The following RPS3 variants were observed in gnomAD, a reference collection of about 807,000 sequenced individuals.
RPS3 encodes ribosomal protein S3, also known as small ribosomal subunit protein uS3.
RPS3 carries 2 observed loss-of-function variants against 25.8 expected under a neutral mutation model. The ratio of observed to expected loss-of-function variants is 0.08; its 90% CI spans 0.03 to 0.24. RPS3 has a LOEUF of 0.24. Ranked by LOEUF, RPS3 falls within the 10% of genes least tolerant of loss-of-function variation. The probability of loss-of-function intolerance (pLI) is 1.00; values close to 1 mark genes in which losing one functional copy is unlikely to be tolerated. For missense variants in RPS3, 107 were observed against 307.1 expected (o/e 0.35, Z 4.87); for synonymous variants, 114 against 114.2 (o/e 1.00, Z 0.01).
downstream of RPS3, among the ~76,000 whole-genome samples, chr11:75,408,711 A>G (rs1948311690): frequency 6.6e-6 from 1 of 151,990 alleles, no homozygotes; most frequent in Non-Finnish European, 1.5e-5. Flanking sequence ...ACTCCTGGCC[A>G]ATTTTTGTAT....
At chr11:75,420,424 T>TGTG (rs1204320752) in intron 6 of RPS3, among the ~76,000 whole-genome samples, 1 of 152,204 alleles carries the variant, frequency 6.6e-6, no homozygotes, top group Non-Finnish European at 1.5e-5. Context: ...TCGACACATC[T>TGTG]GTGCTGCACT....
intron 6 of RPS3, among the ~76,000 whole-genome samples, chr11:75,416,129 G>A (rs181537858): frequency 3.3e-5 from 5 of 152,296 alleles, no homozygotes; most frequent in East Asian, 3.9e-4. Flanking sequence ...CAGTATGAGC[G>A]CAAGCACATC....
chr11:75,404,528 CTATT>C lies in RPS3; in HGVS notation c.539-139_539-136del, dbSNP rs745722992. 1.3e-5 allele frequency: 11 copies of C among 859,030 alleles called. No individual in the cohort carries two copies. Among genetic ancestry groups the C allele is most frequent in the Non-Finnish European group, 1.8e-5 (9 of 491,202 alleles). 53.2% of individuals were successfully genotyped at this position (859,030 alleles called of 1,614,324 possible). On this transcript the variant is annotated intron_variant, in intron 5 of 6. Transcript: ENST00000531188. This position sits in a 1 kb window ranked among gnomAD's most constrained non-coding sequence, Gnocchi z 4.6. ...CACGAGTTCCTTTGGCAGAAGTGTC[CTATT>C]TATTGATCGATTTAGAGGCATTTGT... is the stretch of plus-strand genomic sequence containing the variant.
chr11:75,410,040 C>A (rs1340059632), downstream of RPS3, among the ~76,000 whole-genome samples: 1 of 133,410 alleles, frequency 7.5e-6, no homozygotes, highest in Non-Finnish European at 1.6e-5. Context: ...CCTCACCTCC[C>A]GGACGGGGCG....
intron 6 of RPS3, among the ~76,000 whole-genome samples, chr11:75,414,030 G>A (rs1948378020): frequency 6.6e-6 from 1 of 152,166 alleles, no homozygotes; most frequent in Admixed American, 6.5e-5. Flanking sequence ...TTTTTCAGCT[G>A]TCCCTTTTTC....
chr11:75,411,712 G>A (rs1948358100), downstream of RPS3, among the ~76,000 whole-genome samples: 1 of 152,216 alleles, frequency 6.6e-6, no homozygotes, highest in Non-Finnish European at 1.5e-5. Context: ...TAAGTGGGGA[G>A]GGAGAGTTGA....
Position 75,421,449 on chromosome 11 carries a change from C to G in RPS3, c.*4-278C>G, listed in dbSNP as rs1326035283. On this transcript the variant is annotated intron_variant, in intron 6 of 6. Transcript: ENST00000527446. ...CGATATGCACAGAGCCTCGCAGAAT[C>G]TGTCTATGGTGTCTTTTGTTCCCTT... Among the ~76,000 whole-genome samples the G allele has an allele frequency of 4.6e-5, 7 of 152,322 alleles. No homozygotes were observed. The East Asian group carries it at 1.4e-3, about 29-fold the overall frequency.
chr11:75,402,538 A>G, intron 4 of RPS3, 92 bp downstream of exon 4: 1 of 1,359,680 alleles, frequency 7.4e-7, no homozygotes, highest in South Asian at 1.3e-5. Flanking sequence ...ACTGTTACAA[A>G]GTTACAGGAT....
chr11:75,405,870 G>T lies in RPS3; in HGVS notation c.*260G>T, dbSNP rs983771608. ...ATAGAGAAGGCTGATAGCAAGCAAG[G>T]CAGCACCTTGATTCGTTGTCCTGTA... On this transcript the variant is annotated 3_prime_UTR_variant, in exon 7 of 7. Coordinates refer to ENST00000531188, the MANE Select transcript of RPS3 (RefSeq NM_001005.5). 31 of 249,784 alleles carry T rather than the reference G, an allele frequency of 1.2e-4. No homozygotes were observed. Among genetic ancestry groups the T allele is most frequent in the African/African-American group, 6.1e-4 (27 of 44,168 alleles). The allele number at this position is 249,784 out of a possible 1,614,324, so 15.5% of individuals were successfully genotyped here.
chr11:75,403,826 C>T, intron 4 of RPS3, 194 bp from the exon 5 acceptor site: 2 of 551,870 alleles, frequency 3.6e-6, no homozygotes, highest in African/African-American at 3.8e-5. Flanking sequence ...TATTTAGGAG[C>T]TTGACATACT....
Position 75,404,200 on chromosome 11 carries a change from C to T in RPS3, c.531C>T (p.Leu177=). ...ACACTGCTGTGCGCCACGTGTTGCTCAGACAGGGTGAGCAGCTGAGAGTGC... is the reference window on the plus strand; with the variant it reads ...ACACTGCTGTGCGCCACGTGTTGCTTAGACAGGGTGAGCAGCTGAGAGTGC... ...YVDTAVRHVL[L]RQGVLGIKVK... The change falls in exon 5 of 7, where the codon CTC becomes CTT. Residue 177 remains leucine, a synonymous_variant. Coordinates refer to ENST00000531188, the MANE Select transcript of RPS3 (RefSeq NM_001005.5). This position sits in a 1 kb window ranked among gnomAD's most constrained non-coding sequence, Gnocchi z 4.6. 1 of 1,613,326 alleles carries T rather than the reference C, an allele frequency of 6.2e-7. No individual in the cohort carries two copies. The highest frequency in any genetic ancestry group is 1.1e-5 in the South Asian group (1 of 91,004).
intron 6 of RPS3, 161 bp downstream of exon 6, chr11:75,405,029 A>G (rs1283257534): frequency 3.9e-6 from 2 of 518,198 alleles, no homozygotes; most frequent in South Asian, 3.9e-5. Flanking sequence ...GGTCTATTTA[A>G]CCCTTGGTTC....
intron 6 of RPS3, among the ~76,000 whole-genome samples, chr11:75,416,540 C>A (rs1473815114): frequency 1.4e-5 from 2 of 147,296 alleles, no homozygotes; most frequent in Non-Finnish European, 3.0e-5. Flanking sequence ...CTCACTGCAA[C>A]CTCCGCCTCC....
chr11:75,402,672 C>T, intron 4 of RPS3: 1 of 364,178 alleles, frequency 2.7e-6, no homozygotes, highest in East Asian at 4.5e-5. Flanking sequence ...GAGAAGTGTT[C>T]TGGGTGCTTT....
intron 6 of RPS3, among the ~76,000 whole-genome samples, chr11:75,415,734 A>C (rs968898368): frequency 4.8e-5 from 7 of 146,904 alleles, no homozygotes; most frequent in Non-Finnish European, 1.0e-4. Flanking sequence ...TGAACCTGGG[A>C]GGCAGAGGTT....
At chr11:75,399,673 C>G in intron 1 of RPS3, 96 bp downstream of exon 1, 2 of 1,117,088 alleles carry the variant, frequency 1.8e-6, no homozygotes, top group Admixed American at 2.0e-5. Flanking sequence ...CCGTGGCCTG[C>G]CCTGGAAGCG....
chr11:75,415,917 A>G (rs1490160520), intron 6 of RPS3, among the ~76,000 whole-genome samples: 16 of 139,152 alleles, frequency 1.1e-4, no homozygotes. Flanking sequence ...CGGAGGTTGC[A>G]GTGAGCCGCG....
At chr11:75,407,780 T>G (rs1434933826), downstream of RPS3, among the ~76,000 whole-genome samples, 1 of 152,188 alleles carries the variant, frequency 6.6e-6, no homozygotes, top group Non-Finnish European at 1.5e-5. Context: ...CATCTGCAGA[T>G]TAAGTGCTGG....
chr11:75,418,464 G>A (rs1181497410), intron 6 of RPS3, among the ~76,000 whole-genome samples: 2 of 152,088 alleles, frequency 1.3e-5, no homozygotes, highest in Admixed American at 1.3e-4. Flanking sequence ...TACACGATGG[G>A]TGGCAGCAGT....
Sources: gnomAD v4.1 joint callset for allele counts (sites outside exome capture counted in the v4.1 genomes callset) on GRCh38, gnomAD v4.1.1 for gene constraint, Gnocchi (gnomAD v3.1) non-coding constraint, MANE v1.5 for transcripts, NCBI Gene and HGNC (gene_info 2026-07-23, HGNC 2026-07-21) for gene names.